Variants in NIN observed in about 807,000 individuals in gnomAD.
The protein encoded by NIN is glycogen synthase kinase 3 beta-interacting protein.
Under a neutral mutation model 257.6 loss-of-function variants are expected in NIN, and 137 were observed. That is an observed-to-expected ratio of 0.53 (90% CI 0.46 to 0.61). NIN has a LOEUF of 0.61. Among genes scored for constraint, NIN ranks in the 20% least tolerant of loss-of-function variants. NIN has a pLI of 0.00. For synonymous variants in NIN, 918 were observed against 919.8 expected (o/e 1.00, Z 0.04); for missense variants, 2,439 against 2,501.2 (o/e 0.98, Z 0.53).
chr14:50,819,381 T>G (rs111911838), intron 3 of NIN, among the ~76,000 whole-genome samples: 2,554 of 152,326 alleles, frequency 0.017, 75 homozygotes, highest in African/African-American at 0.058. Context: ...ATAAGTGAAC[T>G]GTGGGGGTAG....
chr14:50,773,357 A>C (rs567113650), intron 7 of NIN, among the ~76,000 whole-genome samples: 1 of 152,150 alleles, frequency 6.6e-6, no homozygotes, highest in Non-Finnish European at 1.5e-5. Context: ...TTTTACTCAC[A>C]CTCCTACAAT....
At position 50,806,769 on chromosome 14, in the gene NIN, G is replaced by A; in HGVS notation, c.233C>T (p.Thr78Ile). 1 of 1,589,118 alleles carries A rather than the reference G, an allele frequency of 6.3e-7. No individual in the cohort carries two copies. Among genetic ancestry groups the A allele is most frequent in the Non-Finnish European group, 8.6e-7 (1 of 1,158,850 alleles). Residue 78 changes from threonine (T) to isoleucine (I), a missense_variant, in exon 4 of 31, where the codon ACT becomes ATT. Thr to Ile is a moderately conservative substitution (Grantham distance 89). Around this residue, in one of 3 missense-constraint regions of NIN, gnomAD observed 387 missense variants for 427.3 expected, o/e 0.91. Transcript: ENST00000530997. ...KEALILILSR[T>I]LSNEEHFQEP... ...TTGAAAGTGTTCTTCATTTGACAGA[G>A]TTCTGGACAAGATGAGTATTAATGC...
chr14:50,814,279 C>A (rs1227073361), intron 3 of NIN, among the ~76,000 whole-genome samples: 2 of 152,146 alleles, frequency 1.3e-5, no homozygotes, highest in African/African-American at 2.4e-5. Context: ...AAGAGAACTT[C>A]TAGCAAATCT....
chr14:50,779,600 T>C (rs1407848002), intron 5 of NIN, among the ~76,000 whole-genome samples: 1 of 151,810 alleles, frequency 6.6e-6, no homozygotes, highest in Non-Finnish European at 1.5e-5. Context: ...CTACCAAAAA[T>C]ACAAAAAATT....
At chr14:50,826,751 A>C (rs2045474968) in intron 2 of NIN, among the ~76,000 whole-genome samples, 1 of 152,192 alleles carries the variant, frequency 6.6e-6, no homozygotes, top group Non-Finnish European at 1.5e-5. Context: ...GCAAGTGAAA[A>C]CCAAGTAATA....
chr14:50,785,023 G>A (rs2043284115), intron 5 of NIN, among the ~76,000 whole-genome samples: 1 of 152,324 alleles, frequency 6.6e-6, no homozygotes, highest in East Asian at 1.9e-4. Flanking sequence ...CAACCCCTCA[G>A]GCAGACAAAA....
In NIN at chr14:50,800,885, C is replaced by T. The variant is rs1004734774; in HGVS notation, c.265+5852G>A. Among the ~76,000 whole-genome samples, 7 of 151,840 alleles carry T rather than the reference C, an allele frequency of 4.6e-5. No homozygotes were observed. The East Asian group carries it at 1.4e-3, about 29-fold the overall frequency. ...GCAACCTCCGCCTCCTGGGTTCAAC[C>T]GATTCTTCTGCCTCAGCCTCCTGAG... is the stretch of plus-strand genomic sequence containing the variant. On this transcript the variant is annotated intron_variant, in intron 4 of 30. Coordinates refer to ENST00000530997, the MANE Select transcript of NIN (RefSeq NM_020921.4).
In NIN at chr14:50,739,451, G is replaced by A. The variant is rs1566788617; in HGVS notation, c.5485C>T (p.Leu1829Phe). 1.2e-6 allele frequency: 2 copies of A among 1,614,208 alleles called. No homozygotes were observed. Among genetic ancestry groups the A allele is most frequent in the Middle Eastern group, 1.7e-4 (1 of 6,058 alleles). ...GACAGCCTTTTCTGCTGGTTATGGA[G>A]CCCTGATGGATGAGTAGCTATCTCT... Reference protein sequence around the residue: ...APEIATHPSGLHNQQKRLSWD... With the variant: ...APEIATHPSGFHNQQKRLSWD... The change falls in exon 26 of 31, where the codon CTC (leucine) becomes TTC (phenylalanine). Residue 1829 changes from leucine to phenylalanine, a missense_variant. Leu to Phe is a conservative substitution (Grantham distance 22). This residue lies in a region of NIN where 2,043 missense variants were observed against 2,050.2 expected (regional missense o/e 1.00). Transcript: ENST00000530997.
chr14:50,754,155 T>C (rs903727764), intron 20 of NIN, among the ~76,000 whole-genome samples: 21 of 152,360 alleles, frequency 1.4e-4, no homozygotes, highest in African/African-American at 4.8e-4. Context: ...TTCTGTGAAA[T>C]GATATGCTGA....
At chr14:50,762,376 A>G (rs1348216117) in intron 15 of NIN, among the ~76,000 whole-genome samples, 1 of 152,202 alleles carries the variant, frequency 6.6e-6, no homozygotes, top group East Asian at 1.9e-4. Flanking sequence ...AGTTAGCTTC[A>G]TGGGTCACAC....
rs764820389 is a variant in NIN at position 50,752,779 on chromosome 14, T to G, written c.4735-46A>C. ...TTTTTCAAACTTGTTACCCTACTTG[T>G]GCTAAAAAAAAAAAAAAACAGATTT... is the stretch of plus-strand genomic sequence containing the variant. On this transcript the variant is annotated intron_variant, in intron 20 of 30. Transcript: ENST00000530997. The G allele has an allele frequency of 2.4e-5, 24 of 997,854 alleles. No homozygotes were observed. In the South Asian group the frequency reaches 3.1e-4, roughly 13 times the overall value. 61.8% of individuals were successfully genotyped at this position (997,854 alleles called of 1,614,324 possible). A position where few individuals can be genotyped will look rare whatever the true frequency, so the allele number is the denominator to read the frequency against.
In NIN at chr14:50,754,740, A is replaced by T. The variant is rs1163677102; in HGVS notation, c.4664+2T>A. The stretch of plus-strand genomic sequence containing the variant: ...TTAGGAAAATGTAAGTATACGTCTT[A>T]CCACATTTCTTCCTGAGATCCATTT... On this transcript the variant is annotated splice_donor_variant, in intron 19 of 30. Coordinates refer to ENST00000530997, the MANE Select transcript of NIN (RefSeq NM_020921.4). LOFTEE classifies it high-confidence loss of function. 6.3e-7 allele frequency: 1 copy of T among 1,585,088 alleles called. No individual in the cohort carries two copies. The highest frequency in any genetic ancestry group is 8.6e-7 in the Non-Finnish European group (1 of 1,164,572).
At chr14:50,812,633 T>C (rs1328969034) in intron 3 of NIN, among the ~76,000 whole-genome samples, 1 of 152,162 alleles carries the variant, frequency 6.6e-6, no homozygotes, top group Non-Finnish European at 1.5e-5. Context: ...CAAAAGCTGG[T>C]AGGGGCCTCT....
Position 50,743,384 on chromosome 14 carries a change from C to T in NIN, c.5301+32G>A, listed in dbSNP as rs1366027735. ...GTTGGAAGATCTAGGAGAATACTAA[C>T]CGTGAAGATGAAACAAGAATTGTCC... On this transcript the variant is annotated intron_variant, in intron 24 of 30. Transcript: ENST00000530997. 3.8e-6 allele frequency: 5 copies of T among 1,324,146 alleles called. No individual in the cohort carries two copies. The South Asian group carries it at 5.9e-5, about 16-fold the overall frequency. 82.0% of individuals were successfully genotyped at this position (1,324,146 alleles called of 1,614,324 possible).
intron 7 of NIN, among the ~76,000 whole-genome samples, chr14:50,776,279 A>G (rs1298909416): frequency 3.3e-5 from 5 of 152,202 alleles, no homozygotes; most frequent in African/African-American, 1.2e-4. Context: ...TAGAAAACAT[A>G]AAGCTCAGAG....
chr14:50,771,618 C>T (rs2042736050), intron 9 of NIN, 150 bp from the exon 10 acceptor site: 3 of 800,082 alleles, frequency 3.7e-6, no homozygotes, highest in Non-Finnish European at 5.8e-6. Context: ...TTAGGAACAG[C>T]CATCAGTCTA....
chr14:50,725,859 A>T, intron 30 of NIN, 94 bp downstream of exon 30: 2 of 1,605,702 alleles, frequency 1.2e-6, no homozygotes, highest in Non-Finnish European at 1.7e-6. Context: ...ATTAGACAAC[A>T]TAAGTTAACG....
chr14:50,799,559 C>T (rs2043992107), intron 4 of NIN, among the ~76,000 whole-genome samples: 1 of 152,170 alleles, frequency 6.6e-6, no homozygotes, highest in African/African-American at 2.4e-5. Flanking sequence ...ATTCTTGCCC[C>T]AATTTTCTCA....
In NIN at chr14:50,815,376, A is replaced by G. The variant is rs373678475; in HGVS notation, c.183+6498T>C. Among the ~76,000 whole-genome samples, 8 of 152,360 alleles carry G rather than the reference A, an allele frequency of 5.3e-5. No individual in the cohort carries two copies. In the South Asian group the frequency reaches 1.7e-3, roughly 32 times the overall value. ...TGCCAGTCAGAATGGCAATCAATAA[A>G]TAGTCCAGAAACAACAGATGCTGGT... On this transcript the variant is annotated intron_variant, in intron 3 of 30. Coordinates refer to ENST00000530997, the MANE Select transcript of NIN (RefSeq NM_020921.4).
Sources: gnomAD v4.1 joint callset for allele counts (sites outside exome capture counted in the v4.1 genomes callset) on GRCh38, gnomAD v4.1.1 for gene constraint, gnomAD v4.1.1 regional missense constraint, MANE v1.5 for transcripts, NCBI Gene and HGNC (gene_info 2026-07-23, HGNC 2026-07-21) for gene names.